The following NEDD4L variants were observed in gnomAD, a reference collection of about 807,000 sequenced individuals.
NEDD4L encodes the protein NEDD4 like E3 ubiquitin protein ligase.
A neutral mutation model predicts 148.9 loss-of-function variants in NEDD4L; 54 were observed. That is an observed-to-expected ratio of 0.36 (90% CI 0.29 to 0.45). The LOEUF is 0.45. Ranked by LOEUF, NEDD4L falls within the 20% of genes least tolerant of loss-of-function variation. The pLI, the probability that NEDD4L is intolerant of heterozygous loss-of-function variation, is 1.00. For synonymous variants in NEDD4L, 433 were observed against 440.7 expected (o/e 0.98, Z 0.22); for missense variants, 856 against 1,233.8 (o/e 0.69, Z 4.59).
intron 1 of NEDD4L, among the ~76,000 whole-genome samples, chr18:58,082,535 G>A (rs1196359095): frequency 1.3e-5 from 2 of 151,400 alleles, no homozygotes; most frequent in African/African-American, 4.9e-5. Context: ...ACTTTGGGGG[G>A]CTGAGGCAGG....
intron 1 of NEDD4L, among the ~76,000 whole-genome samples, chr18:58,063,528 T>G (rs1734757039): frequency 6.6e-6 from 1 of 152,060 alleles, no homozygotes; most frequent in Admixed American, 6.6e-5. Context: ...TTTCTAATAT[T>G]GCTTTTCTTG....
intron 5 of NEDD4L, among the ~76,000 whole-genome samples, chr18:58,279,274 C>T (rs1189892378): frequency 6.6e-6 from 1 of 151,986 alleles, no homozygotes; most frequent in Non-Finnish European, 1.5e-5. Flanking sequence ...GAGGCAGGTA[C>T]CAAAAAGATA....
intron 2 of NEDD4L, among the ~76,000 whole-genome samples, chr18:58,214,548 A>G (rs1216660981): frequency 2.6e-5 from 4 of 152,010 alleles, no homozygotes; most frequent in Admixed American, 2.6e-4. Context: ...TGGTGCTCTT[A>G]AAAGACTTAG....
Position 58,401,296 on chromosome 18 carries a change from T to C in NEDD4L, c.*5027T>C, listed in dbSNP as rs2050829486. On this transcript the variant is annotated 3_prime_UTR_variant, in exon 31 of 31. Coordinates refer to ENST00000400345, the MANE Select transcript of NEDD4L (RefSeq NM_001144967.3). The stretch of plus-strand genomic sequence containing the variant: ...CTACCTTGAATTTTTTTAAGGCAAC[T>C]TATGAATAATGCTCATTTTCACAGT... The C allele has an allele frequency of 6.6e-6, 1 of 152,246 alleles. No homozygotes were observed. The highest frequency in any genetic ancestry group is 1.5e-5 in the Non-Finnish European group (1 of 68,042). 9.4% of individuals were successfully genotyped at this position (152,246 alleles called of 1,614,324 possible).
chr18:58,205,262 G>A (rs939270848), intron 2 of NEDD4L, among the ~76,000 whole-genome samples: 4 of 152,206 alleles, frequency 2.6e-5, no homozygotes, highest in African/African-American at 9.7e-5. Context: ...GGGTTGGTAG[G>A]AGAATGAGCA....
intron 18 of NEDD4L, among the ~76,000 whole-genome samples, chr18:58,354,181 G>C (rs1024598419): frequency 6.6e-6 from 1 of 152,182 alleles, no homozygotes; most frequent in South Asian, 2.1e-4. Flanking sequence ...TCTACATCTT[G>C]TAGGAATGAT....
At chr18:58,263,287 C>T (rs1179745376) in intron 5 of NEDD4L, among the ~76,000 whole-genome samples, 4 of 152,132 alleles carry the variant, frequency 2.6e-5, no homozygotes, top group Non-Finnish European at 5.9e-5. Flanking sequence ...TGGAATTTCC[C>T]CCAGGCAGAT....
In NEDD4L at chr18:58,044,340, G is replaced by C. The variant is rs1386868568; in HGVS notation, c.-321G>C. 6.2e-6 allele frequency: 1 copy of C among 161,270 alleles called. No individual in the cohort carries two copies. Among genetic ancestry groups the C allele is most frequent in the Non-Finnish European group, 1.3e-5 (1 of 74,706 alleles). The allele number at this position is 161,270 out of a possible 1,614,324, so 10.0% of individuals were successfully genotyped here. A position where few individuals can be genotyped will look rare whatever the true frequency, so the allele number is the denominator to read the frequency against. ...GCGGGGCGGGAGGGAGGCGCGGGTC[G>C]CGGGGAGGGAAAGCCCGGCCGGGTC... On this transcript the variant is annotated 5_prime_UTR_variant, in exon 1 of 31. Coordinates refer to ENST00000400345, the MANE Select transcript of NEDD4L (RefSeq NM_001144967.3).
At chr18:58,355,513 T>C (rs2044490668) in intron 18 of NEDD4L, among the ~76,000 whole-genome samples, 1 of 152,226 alleles carries the variant, frequency 6.6e-6, no homozygotes, top group Admixed American at 6.5e-5. Flanking sequence ...GAGTTATTCA[T>C]TTATTTTCTG....
chr18:58,069,961 C>T lies in NEDD4L; in HGVS notation c.48+25253C>T, dbSNP rs563722320. Among the ~76,000 whole-genome samples the T allele has an allele frequency of 6.6e-5, 10 of 152,304 alleles. No individual in the cohort carries two copies. In the East Asian group the frequency reaches 1.5e-3, roughly 24 times the overall value. ...ACCAGCAGCCTCACAGCCATGGCAGCTGTGAAACTCAGAAGTCTGTTAAAC... is the reference window on the plus strand; with the variant it reads ...ACCAGCAGCCTCACAGCCATGGCAGTTGTGAAACTCAGAAGTCTGTTAAAC... On this transcript the variant is annotated intron_variant, in intron 1 of 30. Transcript: ENST00000400345.
intron 21 of NEDD4L, chr18:58,367,125 C>G (rs994229318): frequency 1.3e-5 from 2 of 152,252 alleles, no homozygotes; most frequent in Non-Finnish European, 2.9e-5. Flanking sequence ...TCAAAGATAC[C>G]CCCACCCCGG....
rs935394664 is a variant in NEDD4L, at chr18:58,352,038, G to A, written c.1708+993G>A. Among the ~76,000 whole-genome samples the A allele has an allele frequency of 5.3e-5, 8 of 152,148 alleles. No homozygotes were observed. In the East Asian group the frequency reaches 1.3e-3, roughly 26 times the overall value. ...CACTTTCAGGCCCTGGGGGTTGAGGGCTTATTATAAATGGAATTAAGCAAA... is the reference window on the plus strand; with the variant it reads ...CACTTTCAGGCCCTGGGGGTTGAGGACTTATTATAAATGGAATTAAGCAAA... On this transcript the variant is annotated intron_variant, in intron 18 of 30. Coordinates refer to ENST00000400345, the MANE Select transcript of NEDD4L (RefSeq NM_001144967.3).
chr18:58,096,649 G>A (rs2078608674), intron 1 of NEDD4L, among the ~76,000 whole-genome samples: 1 of 151,712 alleles, frequency 6.6e-6, no homozygotes, highest in Admixed American at 6.6e-5. Flanking sequence ...ACCCACCTTA[G>A]CCTCCCAAAG....
chr18:58,097,284 G>T (rs1462697855), intron 1 of NEDD4L, among the ~76,000 whole-genome samples: 1 of 152,192 alleles, frequency 6.6e-6, no homozygotes, highest in Non-Finnish European at 1.5e-5. Context: ...GAGCATTCGA[G>T]TGTTTGCCTC....
intron 5 of NEDD4L, among the ~76,000 whole-genome samples, chr18:58,282,171 G>A (rs562204295): frequency 2.6e-5 from 4 of 151,456 alleles, no homozygotes; most frequent in South Asian, 2.1e-4. Flanking sequence ...AAATATCCGC[G>A]TGAGTGGTGC....
intron 2 of NEDD4L, among the ~76,000 whole-genome samples, chr18:58,193,016 G>T (rs2147221133): frequency 6.6e-6 from 1 of 152,354 alleles, no homozygotes; most frequent in East Asian, 1.9e-4. Flanking sequence ...GCATGCACCT[G>T]TGGCAGTTGC....
rs1163621425 is a variant in NEDD4L at position 58,095,880 on chromosome 18, A to C, written c.48+51172A>C. Among the ~76,000 whole-genome samples, 31 of 152,070 alleles carry C rather than the reference A, an allele frequency of 2.0e-4. 1 individual carries two copies. On this transcript the variant is annotated intron_variant, in intron 1 of 30. Transcript: ENST00000400345. ...GATGGCCTTGAATGTGACCCAACAC[A>C]AATTCGTAAGCATTCTTAAAACATT...
intron 5 of NEDD4L, among the ~76,000 whole-genome samples, chr18:58,295,735 G>A (rs1413570076): frequency 8.5e-5 from 13 of 152,140 alleles, no homozygotes; most frequent in Admixed American, 8.5e-4. Context: ...GATGATAGGA[G>A]CAGATTCTGT....
At chr18:58,168,269 A>G (rs2037118242) in intron 2 of NEDD4L, among the ~76,000 whole-genome samples, 1 of 152,114 alleles carries the variant, frequency 6.6e-6, no homozygotes, top group Non-Finnish European at 1.5e-5. Flanking sequence ...TCAGGGACAC[A>G]TTTGCCAGTG....
Sources: allele counts gnomAD v4.1 joint callset (sites outside exome capture counted in the v4.1 genomes callset), GRCh38; gene constraint gnomAD v4.1.1; transcripts MANE v1.5; gene names NCBI Gene and HGNC (gene_info 2026-07-23, HGNC 2026-07-21).